Variants in SMAD3 observed in about 807,000 individuals in gnomAD.
SMAD3 encodes SMAD family member 3, also known as MAD homolog 3.
SMAD3 carries 12 observed loss-of-function variants against 51.8 expected under a neutral mutation model. The ratio of observed to expected loss-of-function variants is 0.23; its 90% confidence interval spans 0.15 to 0.38. SMAD3 has a LOEUF of 0.38. Ranked by LOEUF, SMAD3 falls within the 10% of genes least tolerant of loss-of-function variation. The pLI is 1.00. For missense variants in SMAD3, 294 were observed against 565.6 expected (o/e 0.52, Z 4.87); for synonymous variants, 238 against 227.7 (o/e 1.05, Z -0.41).
chr15:67,132,892 C>T (rs1315464958), intron 1 of SMAD3, among the ~76,000 whole-genome samples: 1 of 152,172 alleles, frequency 6.6e-6, no homozygotes, highest in Non-Finnish European at 1.5e-5. Flanking sequence ...TCAGACTCCC[C>T]GTAACTTCTG....
chr15:67,155,746 T>C (rs919625832), intron 1 of SMAD3, among the ~76,000 whole-genome samples: 18 of 152,250 alleles, frequency 1.2e-4, no homozygotes, highest in African/African-American at 4.1e-4. Context: ...CCCAGCACTT[T>C]GGGAGGCTGA....
chr15:67,083,288 C>G (rs1200028825), intron 1 of SMAD3, among the ~76,000 whole-genome samples: 5 of 152,226 alleles, frequency 3.3e-5, no homozygotes, highest in Admixed American at 3.3e-4. Context: ...CTTTGTTTAA[C>G]CACGGCTGTG....
At chr15:67,155,086 C>T (rs1009213386) in intron 1 of SMAD3, among the ~76,000 whole-genome samples, 2 of 152,182 alleles carry the variant, frequency 1.3e-5, no homozygotes, top group African/African-American at 4.8e-5. Flanking sequence ...TTTCCTCAAC[C>T]CCAAAATGAA....
intron 1 of SMAD3, among the ~76,000 whole-genome samples, chr15:67,070,915 C>T (rs1960038900): frequency 6.6e-6 from 1 of 152,062 alleles, no homozygotes; most frequent in Admixed American, 6.5e-5. Context: ...GTTTTGTGAA[C>T]CAGAGAATTT....
At chr15:67,121,396 T>C (rs1207066517) in intron 1 of SMAD3, among the ~76,000 whole-genome samples, 1 of 152,134 alleles carries the variant, frequency 6.6e-6, no homozygotes, top group Non-Finnish European at 1.5e-5. Flanking sequence ...CGAGTGACTG[T>C]GCCTGGCAGG....
At chr15:67,081,540 A>G (rs1960279684) in intron 1 of SMAD3, among the ~76,000 whole-genome samples, 1 of 152,164 alleles carries the variant, frequency 6.6e-6, no homozygotes, top group Admixed American at 6.5e-5. Context: ...AATAGCTTCA[A>G]TCATAAGAGG....
intron 1 of SMAD3, among the ~76,000 whole-genome samples, chr15:67,132,966 C>G (rs928341616): frequency 2.0e-5 from 3 of 152,220 alleles, no homozygotes; most frequent in African/African-American, 7.2e-5. Flanking sequence ...GCCCTGTTCA[C>G]TTGGATTTCT....
chr15:67,122,027 C>T (rs1206295999), intron 1 of SMAD3, among the ~76,000 whole-genome samples: 5 of 152,186 alleles, frequency 3.3e-5, no homozygotes, highest in South Asian at 2.1e-4. Flanking sequence ...TTCAAGTGCA[C>T]GGGTAGGCTA....
intron 1 of SMAD3, among the ~76,000 whole-genome samples, chr15:67,080,707 G>A (rs1344834833): frequency 6.6e-6 from 1 of 152,232 alleles, no homozygotes; most frequent in Non-Finnish European, 1.5e-5. Flanking sequence ...CAGTAAGCAT[G>A]CCTTTTCTTT....
chr15:67,069,436 G>A (rs12904944), intron 1 of SMAD3, among the ~76,000 whole-genome samples: 54,782 of 151,932 alleles, frequency 0.36, 10,168 homozygotes, highest in South Asian at 0.49. Context: ...AGCATTTGCC[G>A]CTGAATGAGA....
intron 1 of SMAD3, among the ~76,000 whole-genome samples, chr15:67,117,920 C>A (rs527894793): frequency 6.6e-6 from 1 of 152,084 alleles, no homozygotes; most frequent in African/African-American, 2.4e-5. Context: ...GGCAAAACCC[C>A]GTCTCTGCCC....
chr15:67,103,254 G>T (rs879533561), intron 1 of SMAD3, among the ~76,000 whole-genome samples: 1 of 152,158 alleles, frequency 6.6e-6, no homozygotes, highest in Non-Finnish European at 1.5e-5. Context: ...AGTCAAGGTC[G>T]TGCAAAAGCT....
chr15:67,132,815 C>G (rs1389509824), intron 1 of SMAD3, among the ~76,000 whole-genome samples: 1 of 152,206 alleles, frequency 6.6e-6, no homozygotes, highest in Non-Finnish European at 1.5e-5. Flanking sequence ...GCACTCCCCA[C>G]TCATCACTCC....
chr15:67,115,499 G>A (rs1322912754), intron 1 of SMAD3, among the ~76,000 whole-genome samples: 1 of 152,192 alleles, frequency 6.6e-6, no homozygotes, highest in Non-Finnish European at 1.5e-5. Context: ...TCTGCTGTGT[G>A]CTCAGAGCCG....
Position 67,110,121 on chromosome 15 carries a change from C to T in SMAD3, c.206+43761C>T, listed in dbSNP as rs542588659. Among the ~76,000 whole-genome samples, 305 of 152,302 alleles carry T rather than the reference C, an allele frequency of 2.0e-3. 2 individuals are homozygous for T. Among genetic ancestry groups the T allele is most frequent in the African/African-American group, 7.1e-3 (294 of 41,560 alleles). ...TGCTTGCTGAACACCTCTAGGTCGT[C>T]AGTGAATGAAATAATTCATTCTGTG... On this transcript the variant is annotated intron_variant, in intron 1 of 8. Coordinates refer to ENST00000327367, the MANE Select transcript of SMAD3 (RefSeq NM_005902.4).
intron 1 of SMAD3, among the ~76,000 whole-genome samples, chr15:67,076,622 ACG>A: frequency 6.6e-6 from 1 of 152,290 alleles, no homozygotes; most frequent in Non-Finnish European, 1.5e-5. Flanking sequence ...GAGGGAGCTC[ACG>A]CTTCAAGAGT....
chr15:67,113,704 C>T (rs1329305708), intron 1 of SMAD3, among the ~76,000 whole-genome samples: 1 of 152,180 alleles, frequency 6.6e-6, no homozygotes, highest in Non-Finnish European at 1.5e-5. Context: ...AAAATGTCCC[C>T]ACCTCCAATA....
At chr15:67,104,754 T>C (rs1260838246) in intron 1 of SMAD3, among the ~76,000 whole-genome samples, 1 of 152,270 alleles carries the variant, frequency 6.6e-6, no homozygotes, top group African/African-American at 2.4e-5. Context: ...CTCTGTGGGC[T>C]TTGCCCACCC....
intron 1 of SMAD3, among the ~76,000 whole-genome samples, chr15:67,069,084 A>T (rs780091300): frequency 6.6e-6 from 1 of 152,164 alleles, no homozygotes; most frequent in Non-Finnish European, 1.5e-5. Flanking sequence ...ATATATAATC[A>T]TGAGCAGCAA....
Sources: allele counts gnomAD v4.1 joint callset (sites outside exome capture counted in the v4.1 genomes callset), GRCh38; gene constraint gnomAD v4.1.1; transcripts MANE v1.5; gene names NCBI Gene and HGNC (gene_info 2026-07-23, HGNC 2026-07-21).